SERPIND1: variants seen among roughly 807,000 people sequenced by gnomAD.
SERPIND1 encodes the protein heparin cofactor 2.
In SERPIND1, 34 loss-of-function variants were observed where a neutral mutation model predicts 35.0. The ratio of observed to expected loss-of-function variants is 0.97; its 90% confidence interval spans 0.74 to 1.29. SERPIND1 has a LOEUF of 1.29. SERPIND1 is among the 50% of genes most tolerant of loss of function. The pLI, the probability that SERPIND1 is intolerant of heterozygous loss-of-function variation, is 0.00. For missense variants in SERPIND1, 633 were observed against 637.7 expected (o/e 0.99, Z 0.08); for synonymous variants, 236 against 241.1 (o/e 0.98, Z 0.19).
chr22:20,785,919 C>A, intron 3 of SERPIND1, 85 bp from the exon 4 acceptor site: 1 of 1,559,594 alleles, frequency 6.4e-7, no homozygotes, highest in East Asian at 2.2e-5. Context: ...ATAAATATAA[C>A]CCGTGGCCCT....
intron 1 of SERPIND1, among the ~76,000 whole-genome samples, chr22:20,776,177 A>C (rs981720436): frequency 2.6e-5 from 4 of 152,042 alleles, no homozygotes; most frequent in Non-Finnish European, 4.4e-5. Context: ...CAAAAAATTA[A>C]CTGGGTTTGG....
Position 20,779,390 on chromosome 22 carries a change from T to G in SERPIND1, c.78T>G (p.Asp26Glu). The G allele has an allele frequency of 2.5e-6, 4 of 1,614,186 alleles. No homozygotes were observed. The highest frequency in any genetic ancestry group is 3.4e-6 in the Non-Finnish European group (4 of 1,180,024). ...GGGGTGGGAGCAAAGGCCCGCTGGATCAGCTAGAGAAAGGAGGGGAAACTG... is the reference window on the plus strand; with the variant it reads ...GGGGTGGGAGCAAAGGCCCGCTGGAGCAGCTAGAGAAAGGAGGGGAAACTG... ...SAWGGSKGPL[D>E]QLEKGGETAQ... The change falls in exon 2 of 5, where the codon GAT becomes GAG. Residue 26 changes from aspartate (D) to glutamate (E), a missense_variant. Asp to Glu is a conservative substitution (Grantham distance 45). Coordinates refer to ENST00000215727, the MANE Select transcript of SERPIND1 (RefSeq NM_000185.4).
rs121912420 is a variant in SERPIND1 at position 20,786,951 on chromosome 22, C to T, written c.1385C>T (p.Pro462Leu). 4.3e-6 allele frequency: 7 copies of T among 1,613,988 alleles called. No individual in the cohort carries two copies. In the Admixed American group the frequency reaches 5.0e-5, roughly 12 times the overall value. ...ACTGTGACCACGGTGGGGTTCATGC[C>T]GCTGTCCACCCAAGTCCGCTTCACT... The part of the protein sequence containing the change: ...ATTVTTVGFM[P>L]LSTQVRFTVD... The change falls in exon 5 of 5, where the codon CCG (proline) becomes CTG (leucine). Residue 462 changes from proline to leucine, a missense_variant. Physicochemically the swap from Pro to Leu is moderately conservative, Grantham distance 98. Transcript: ENST00000215727.
chr22:20,787,275 G>C lies in SERPIND1; in HGVS notation c.*209G>C, dbSNP rs1934325175. ...CAATAGCCCATGCTGTAAGCTCATA[G>C]AAGTCACTGTAACTGTAGTGTGTCT... On this transcript the variant is annotated 3_prime_UTR_variant, in exon 5 of 5. Coordinates refer to ENST00000215727, the MANE Select transcript of SERPIND1 (RefSeq NM_000185.4). 1 of 601,264 alleles carries C rather than the reference G, an allele frequency of 1.7e-6. No homozygotes were observed. The allele number at this position is 601,264 out of a possible 1,614,324, so 37.2% of individuals were successfully genotyped here. A position where few individuals can be genotyped will look rare whatever the true frequency, so the allele number is the denominator to read the frequency against.
intron 1 of SERPIND1, among the ~76,000 whole-genome samples, chr22:20,776,753 T>C (rs1467376327): frequency 6.6e-6 from 1 of 152,052 alleles, no homozygotes; most frequent in East Asian, 1.9e-4. Flanking sequence ...TCTCCTGATA[T>C]ATAAAATGTT....
intron 1 of SERPIND1, among the ~76,000 whole-genome samples, chr22:20,775,058 T>C (rs929667309): frequency 2.6e-5 from 4 of 152,200 alleles, no homozygotes; most frequent in African/African-American, 9.6e-5. Context: ...TCTCTCCCAT[T>C]CTGCCTGCTC....
rs868746747 is a variant in SERPIND1, at chr22:20,774,629, C to A, written c.-17+484C>A. Among the ~76,000 whole-genome samples the A allele has an allele frequency of 5.3e-5, 8 of 152,118 alleles. No homozygotes were observed. The Middle Eastern group carries it at 0.014, about 259-fold the overall frequency. ...TACAAAAATTAGCTGGGCGTGGTGG[C>A]ACGCGCCTGTAATCCCAGCTACTCA... On this transcript the variant is annotated intron_variant, in intron 1 of 4. Coordinates refer to ENST00000215727, the MANE Select transcript of SERPIND1 (RefSeq NM_000185.4).
rs752924150 is a variant in SERPIND1 at position 20,784,141 on chromosome 22, C to T, written c.1059C>T (p.Ile353=). The T allele has an allele frequency of 1.2e-6, 2 of 1,614,174 alleles. No homozygotes were observed. Among genetic ancestry groups the T allele is most frequent in the Non-Finnish European group, 1.7e-6 (2 of 1,180,034 alleles). The change falls in exon 3 of 5, where the codon ATC becomes ATT. Residue 353 remains isoleucine (I), a synonymous_variant. Coordinates refer to ENST00000215727, the MANE Select transcript of SERPIND1 (RefSeq NM_000185.4). The stretch of plus-strand genomic sequence containing the variant: ...TCCAGCTGGAATACGTGGGGGGCAT[C>T]AGCATGCTAATTGTGGTCCCACACA... ...DILQLEYVGG[I]SMLIVVPHKM...
In SERPIND1 at chr22:20,779,829, A is replaced by C. The variant is rs772287731; in HGVS notation, c.517A>C (p.Thr173Pro). 1 of 1,614,192 alleles carries C rather than the reference A, an allele frequency of 6.2e-7. No individual in the cohort carries two copies. Among genetic ancestry groups the C allele is most frequent in the Non-Finnish European group, 8.5e-7 (1 of 1,180,038 alleles). ...GATTTCCTTAGGTCTGAAGGGAGAG[A>C]CCCATGAACAAGTGCACTCGATTTT... ...GMISLGLKGETHEQVHSILHF... is the reference protein window; with the variant it reads ...GMISLGLKGEPHEQVHSILHF... Residue 173 changes from threonine to proline, a missense_variant, in exon 2 of 5, where the codon ACC becomes CCC. Thr to Pro is a conservative substitution (Grantham distance 38). Coordinates refer to ENST00000215727, the MANE Select transcript of SERPIND1 (RefSeq NM_000185.4).
rs546238389 is a variant in SERPIND1, at chr22:20,780,653, G to A, written c.889+452G>A. On this transcript the variant is annotated intron_variant, in intron 2 of 4. Coordinates refer to ENST00000215727, the MANE Select transcript of SERPIND1 (RefSeq NM_000185.4). ...TAGCTGGGCCTGGCGGTGGGTGCCT[G>A]TACTCCCAGCTACTTGGGAGGCTGA... is the stretch of plus-strand genomic sequence containing the variant. Among the ~76,000 whole-genome samples, 5 of 151,930 alleles carry A rather than the reference G, an allele frequency of 3.3e-5. No individual in the cohort carries two copies. In the South Asian group the frequency reaches 1.0e-3, roughly 32 times the overall value.
At chr22:20,783,514 G>A (rs932245404) in intron 2 of SERPIND1, among the ~76,000 whole-genome samples, 2 of 152,112 alleles carry the variant, frequency 1.3e-5, no homozygotes, top group Non-Finnish European at 2.9e-5. Flanking sequence ...TGGGGAGGGA[G>A]GCTGAGGCAG....
At position 20,775,148 on chromosome 22, in the gene SERPIND1, A is replaced by G. The variant is rs117484327; in HGVS notation, c.-17+1003A>G. ...CTCTGATGCGTGACTGAAAAGGCCA[A>G]CCCAGCTCTGGCAATTAGCAAGAAA... On this transcript the variant is annotated intron_variant, in intron 1 of 4. Transcript: ENST00000215727. 7.5e-3 allele frequency among the ~76,000 whole-genome samples: 1,149 copies of G among 152,232 alleles called. 11 individuals are homozygous for G. Among genetic ancestry groups the G allele is most frequent in the East Asian group, 0.055 (285 of 5,186 alleles).
In SERPIND1 at chr22:20,787,153, C is replaced by G; in HGVS notation, c.*87C>G. ...AACGAGAACAGAGATGTTCTGGCATCATTTACGTAGTTTACGCTACCAATC... is the reference window on the plus strand; with the variant it reads ...AACGAGAACAGAGATGTTCTGGCATGATTTACGTAGTTTACGCTACCAATC... On this transcript the variant is annotated 3_prime_UTR_variant, in exon 5 of 5. Coordinates refer to ENST00000215727, the MANE Select transcript of SERPIND1 (RefSeq NM_000185.4). 8.0e-7 allele frequency: 1 copy of G among 1,242,486 alleles called. No individual in the cohort carries two copies. Among genetic ancestry groups the G allele is most frequent in the South Asian group, 1.2e-5 (1 of 82,574 alleles). The allele number at this position is 1,242,486 out of a possible 1,614,324, so 77.0% of individuals were successfully genotyped here.
chr22:20,782,080 A>C (rs1177490414), intron 2 of SERPIND1, among the ~76,000 whole-genome samples: 1 of 152,252 alleles, frequency 6.6e-6, no homozygotes, highest in African/African-American at 2.4e-5. Context: ...ACCTATGTTT[A>C]GGACTGACTT....
chr22:20,780,457 A>G (rs1268133476), intron 2 of SERPIND1, among the ~76,000 whole-genome samples: 2 of 152,292 alleles, frequency 1.3e-5, no homozygotes, highest in East Asian at 3.9e-4. Context: ...TTTACAGAGG[A>G]AGCCACCAAC....
intron 3 of SERPIND1, among the ~76,000 whole-genome samples, chr22:20,784,920 C>G (rs1934091882): frequency 6.6e-6 from 1 of 152,166 alleles, no homozygotes; most frequent in Non-Finnish European, 1.5e-5. Flanking sequence ...TGCAACCAAA[C>G]TGAGAAAAGT....
chr22:20,784,039 G>A lies in SERPIND1; in HGVS notation c.957G>A (p.Glu319=), dbSNP rs1361450691. ...HNHNFRLNER[E]VVKVSMMQTK... Reference sequence around the variant, plus strand: ...ACAACTTCCGGCTGAATGAGAGAGAGGTAGTTAAGGTTTCCATGATGCAGA... The same window carrying A: ...ACAACTTCCGGCTGAATGAGAGAGAAGTAGTTAAGGTTTCCATGATGCAGA... Residue 319 remains glutamate (E), a synonymous_variant, in exon 3 of 5, where the codon GAG becomes GAA. Transcript: ENST00000215727. The A allele has an allele frequency of 1.9e-6, 3 of 1,614,180 alleles. No homozygotes were observed. Among genetic ancestry groups the A allele is most frequent in the Non-Finnish European group, 2.5e-6 (3 of 1,180,040 alleles).
intron 1 of SERPIND1, among the ~76,000 whole-genome samples, 160 bp downstream of exon 1, chr22:20,774,305 T>C (rs555347156): frequency 1.3e-5 from 2 of 152,338 alleles, no homozygotes; most frequent in South Asian, 2.1e-4. Context: ...TATTATAAAA[T>C]TGTGTCAGTT....
chr22:20,780,261 G>A (rs1933664492), intron 2 of SERPIND1, 60 bp downstream of exon 2: 6 of 1,608,766 alleles, frequency 3.7e-6, no homozygotes, highest in African/African-American at 2.7e-5. Context: ...TTGTATGTGG[G>A]TAGATTGAAT....
Sources: gnomAD v4.1 joint callset for allele counts (sites outside exome capture counted in the v4.1 genomes callset) on GRCh38, gnomAD v4.1.1 for gene constraint, MANE v1.5 for transcripts, NCBI Gene and HGNC (gene_info 2026-07-23, HGNC 2026-07-21) for gene names.